The following IKZF2 variants were observed in gnomAD, a reference collection of about 807,000 sequenced individuals.
IKZF2 encodes the protein zinc finger protein Helios.
IKZF2 carries 15 observed loss-of-function variants against 49.2 expected under a neutral mutation model. That is an observed-to-expected ratio of 0.30 (90% CI 0.20 to 0.47). The LOEUF (loss-of-function observed/expected upper bound fraction) is 0.47. IKZF2 is among the 20% of genes least tolerant of loss of function. The pLI is 1.00. For missense variants in IKZF2, 567 were observed against 664.6 expected (o/e 0.85, Z 1.61); for synonymous variants, 227 against 221.4 (o/e 1.03, Z -0.23).
At chr2:213,011,463 T>C (rs529672667) in intron 8 of IKZF2, among the ~76,000 whole-genome samples, 9 of 152,054 alleles carry the variant, frequency 5.9e-5, no homozygotes, top group African/African-American at 1.9e-4. Context: ...GAACTTTAAT[T>C]AGAAAGAGGG....
chr2:213,105,967 C>A (rs1217941034), intron 4 of IKZF2, among the ~76,000 whole-genome samples: 2 of 152,128 alleles, frequency 1.3e-5, no homozygotes, highest in African/African-American at 4.8e-5. Context: ...AAATAGATTT[C>A]TTGGGCAAAA....
intron 6 of IKZF2, among the ~76,000 whole-genome samples, chr2:213,023,562 CA>C (rs1376298332): frequency 6.6e-6 from 1 of 151,952 alleles, no homozygotes; most frequent in African/African-American, 2.4e-5. Context: ...ATTAAAAATA[CA>C]AAAAATAAGT....
chr2:213,126,397 C>T (rs1001243674), intron 4 of IKZF2, among the ~76,000 whole-genome samples: 2 of 152,050 alleles, frequency 1.3e-5, no homozygotes, highest in Non-Finnish European at 2.9e-5. Context: ...CCCACAATGG[C>T]ATCCTAGGAG....
chr2:213,071,341 AC>A (rs1702683485), intron 4 of IKZF2, among the ~76,000 whole-genome samples: 1 of 152,182 alleles, frequency 6.6e-6, no homozygotes, highest in African/African-American at 2.4e-5. Context: ...TAATAGGCAA[AC>A]AAGTGAAATG....
At chr2:213,051,754 A>T (rs1700695925) in intron 5 of IKZF2, among the ~76,000 whole-genome samples, 2 of 151,988 alleles carry the variant, frequency 1.3e-5, no homozygotes, top group South Asian at 4.1e-4. Context: ...AAAAAGGAAA[A>T]TAGCAAATAT....
intron 6 of IKZF2, among the ~76,000 whole-genome samples, chr2:213,026,192 G>A (rs1419016408): frequency 1.3e-5 from 2 of 152,058 alleles, no homozygotes; most frequent in Non-Finnish European, 2.9e-5. Flanking sequence ...AGTTTTGTTT[G>A]TTGCTGTAAT....
At chr2:213,093,206 T>A (rs1240153544) in intron 4 of IKZF2, among the ~76,000 whole-genome samples, 1 of 152,152 alleles carries the variant, frequency 6.6e-6, no homozygotes, top group Non-Finnish European at 1.5e-5. Flanking sequence ...AGTTGTTTGT[T>A]GCTTTTAGGA....
At chr2:213,042,442 A>G (rs1418795783) in intron 6 of IKZF2, among the ~76,000 whole-genome samples, 1 of 152,238 alleles carries the variant, frequency 6.6e-6, no homozygotes, top group African/African-American at 2.4e-5. Flanking sequence ...ACGTCCGAGT[A>G]TACTTCTAGC....
chr2:213,101,304 G>C (rs967559843), intron 4 of IKZF2, among the ~76,000 whole-genome samples: 1 of 152,036 alleles, frequency 6.6e-6, no homozygotes, highest in Admixed American at 6.6e-5. Context: ...AAGAAGATGA[G>C]AGGCAGTCTC....
chr2:213,044,869 T>TAC (rs1428405245), intron 6 of IKZF2, among the ~76,000 whole-genome samples: 15 of 152,190 alleles, frequency 9.9e-5, no homozygotes. Flanking sequence ...ACTAAGACCA[T>TAC]TAGTTTTTGG....
At chr2:213,129,010 A>G (rs1432464989) in intron 4 of IKZF2, among the ~76,000 whole-genome samples, 1 of 151,826 alleles carries the variant, frequency 6.6e-6, no homozygotes, top group African/African-American at 2.4e-5. Context: ...TTTCGCCTCA[A>G]TGTACAGGTT....
At chr2:213,138,319 A>G (rs1448236177) in intron 4 of IKZF2, among the ~76,000 whole-genome samples, 1 of 152,086 alleles carries the variant, frequency 6.6e-6, no homozygotes, top group Admixed American at 6.5e-5. Context: ...AGAAAACATA[A>G]GAACTGTTTA....
rs146923648 is a variant in IKZF2, at chr2:213,042,006, C to T, written c.574+7707G>A. ...GGAGAAAAGATAACACATTGTAGTT[C>T]GCATCATATAATAGCAGCACCAGGA... On this transcript the variant is annotated intron_variant, in intron 6 of 8. Transcript: ENST00000434687. 1.0e-2 allele frequency among the ~76,000 whole-genome samples: 1,521 copies of T among 152,156 alleles called. 30 individuals are homozygous for T. Among genetic ancestry groups the T allele is most frequent in the African/African-American group, 0.035 (1,449 of 41,494 alleles).
At chr2:213,088,993 C>T (rs1209306019) in intron 4 of IKZF2, among the ~76,000 whole-genome samples, 2 of 152,084 alleles carry the variant, frequency 1.3e-5, no homozygotes, top group Admixed American at 1.3e-4. Context: ...TAAGGGAAAC[C>T]ATAATTGCAC....
At chr2:213,092,474 G>A (rs891601544) in intron 4 of IKZF2, among the ~76,000 whole-genome samples, 1 of 152,136 alleles carries the variant, frequency 6.6e-6, no homozygotes, top group Non-Finnish European at 1.5e-5. Context: ...ACCATGCCAC[G>A]CAGAGAGTTG....
At position 213,002,713 on chromosome 2, in the gene IKZF2, T is replaced by G. The variant is rs2124952953; in HGVS notation, c.*4647A>C. On this transcript the variant is annotated 3_prime_UTR_variant, in exon 9 of 9. Transcript: ENST00000434687. ...TCAAGGAGAATTAATTACCTGCTTT[T>G]TCACATTATTCCATCAATTTTCAAT... 1 of 152,094 alleles carries G rather than the reference T, an allele frequency of 6.6e-6. No individual in the cohort carries two copies. Among genetic ancestry groups the G allele is most frequent in the East Asian group, 1.9e-4 (1 of 5,164 alleles). 9.4% of individuals were successfully genotyped at this position (152,094 alleles called of 1,614,324 possible). A position where few individuals can be genotyped will look rare whatever the true frequency, so the allele number is the denominator to read the frequency against.
At chr2:213,008,429 G>A (rs1019525020) in intron 8 of IKZF2, among the ~76,000 whole-genome samples, 6 of 151,776 alleles carry the variant, frequency 4.0e-5, no homozygotes, top group African/African-American at 1.5e-4. Flanking sequence ...ATAGGGTTTT[G>A]CCCTGTTAGC....
At chr2:213,052,303 C>A (rs1700746971) in intron 5 of IKZF2, among the ~76,000 whole-genome samples, 1 of 151,852 alleles carries the variant, frequency 6.6e-6, no homozygotes, top group Non-Finnish European at 1.5e-5. Flanking sequence ...TTCCCAAGGA[C>A]ATGGGAAGTA....
chr2:213,032,964 C>T (rs1405013276), intron 6 of IKZF2, among the ~76,000 whole-genome samples: 2 of 152,182 alleles, frequency 1.3e-5, no homozygotes, highest in East Asian at 3.9e-4. Context: ...TACGATTTTA[C>T]CCAGAGTAGA....
Sources: gnomAD v4.1 joint callset for allele counts (sites outside exome capture counted in the v4.1 genomes callset) on GRCh38, gnomAD v4.1.1 for gene constraint, MANE v1.5 for transcripts, NCBI Gene and HGNC (gene_info 2026-07-23, HGNC 2026-07-21) for gene names.